The following C2CD3 variants were observed in gnomAD, a reference collection of about 807,000 sequenced individuals.
C2CD3 encodes the protein C2 domain-containing protein 3.
C2CD3 carries 148 observed loss-of-function variants against 234.0 expected under a neutral mutation model. The ratio of observed to expected loss-of-function variants is 0.63; its 90% CI spans 0.55 to 0.72. The LOEUF (loss-of-function observed/expected upper bound fraction) is 0.72. Among genes scored for constraint, C2CD3 ranks in the 30% least tolerant of loss-of-function variants. The pLI, the probability that C2CD3 is intolerant of heterozygous loss-of-function variation, is 0.00. For missense variants in C2CD3, 2,577 were observed against 2,811.5 expected (o/e 0.92, Z 1.89); for synonymous variants, 1,000 against 1,035.4 (o/e 0.97, Z 0.66).
In C2CD3 at chr11:74,063,907, A is replaced by G. The variant is rs1255598645; in HGVS notation, c.4952-6363T>C. 2.6e-5 allele frequency among the ~76,000 whole-genome samples: 4 copies of G among 152,070 alleles called. No individual in the cohort carries two copies. In the South Asian group the frequency reaches 6.2e-4, roughly 24 times the overall value. ...CCAAAATCTCTCTTTTTTAAATTTT[A>G]TTATTATTATACTTTAAGTTTTAGG... On this transcript the variant is annotated intron_variant, in intron 24 of 32. Coordinates refer to ENST00000334126, the MANE Select transcript of C2CD3 (RefSeq NM_001286577.2).
chr11:74,152,901 A>G (rs1855756188), intron 3 of C2CD3, among the ~76,000 whole-genome samples: 1 of 152,214 alleles, frequency 6.6e-6, no homozygotes, highest in Non-Finnish European at 1.5e-5. Context: ...GATAAAGGAC[A>G]AATATGAAAA....
rs553217836 is a variant in C2CD3, at chr11:74,125,040, C to T, written c.1218-1905G>A. On this transcript the variant is annotated intron_variant, in intron 7 of 32. Transcript: ENST00000334126. ...AATTTTAAATAAAAGAATACACATA[C>T]CTATTTTGAAAGTCAAATACGACTA... 2.6e-5 allele frequency among the ~76,000 whole-genome samples: 4 copies of T among 152,228 alleles called. No homozygotes were observed. The South Asian group carries it at 8.3e-4, about 32-fold the overall frequency.
chr11:74,152,497 T>C (rs187024537), intron 3 of C2CD3, among the ~76,000 whole-genome samples: 1 of 152,296 alleles, frequency 6.6e-6, no homozygotes, highest in African/African-American at 2.4e-5. Context: ...ACTCTTCCAA[T>C]AAACAGAGGA....
intron 3 of C2CD3, among the ~76,000 whole-genome samples, chr11:74,155,666 G>A (rs1192878885): frequency 6.6e-6 from 1 of 152,114 alleles, no homozygotes; most frequent in Non-Finnish European, 1.5e-5. Context: ...TATTCCATCT[G>A]TATAAAATGT....
chr11:74,150,492 C>CAAAAAAAAAA (rs769668218), intron 3 of C2CD3, among the ~76,000 whole-genome samples: 23 of 16,170 alleles, frequency 1.4e-3, no homozygotes, highest in East Asian at 2.7e-3. Context: ...GACCCTGTCT[C>CAAAAAAAAAA]AAAAAAAAAA....
At chr11:74,015,804 C>T (rs760433283) in intron 32 of C2CD3, among the ~76,000 whole-genome samples, 3 of 151,656 alleles carry the variant, frequency 2.0e-5, no homozygotes, top group African/African-American at 7.3e-5. Context: ...GGGTAGCTCA[C>T]GTCTGTAACC....
At chr11:74,076,838 G>T (rs1280898241) in intron 23 of C2CD3, among the ~76,000 whole-genome samples, 1 of 152,112 alleles carries the variant, frequency 6.6e-6, no homozygotes, top group African/African-American at 2.4e-5. Flanking sequence ...TCACTGAGAT[G>T]CTATCCTTAG....
At chr11:74,061,680 T>TA (rs1954257201) in intron 24 of C2CD3, among the ~76,000 whole-genome samples, 1 of 152,126 alleles carries the variant, frequency 6.6e-6, no homozygotes, top group Admixed American at 6.6e-5. Context: ...TGCCAAATTG[T>TA]AAAGGCCATC....
intron 18 of C2CD3, 32 bp from the exon 19 acceptor site, chr11:74,092,620 G>C (rs769243732): frequency 3.8e-6 from 6 of 1,572,154 alleles, no homozygotes; most frequent in South Asian, 2.3e-5. Context: ...GTTGTCAGAA[G>C]AATTAGGTGA....
chr11:74,022,123 C>CG (rs1337956479), intron 32 of C2CD3, among the ~76,000 whole-genome samples: 2 of 150,242 alleles, frequency 1.3e-5, no homozygotes, highest in Admixed American at 1.3e-4. Flanking sequence ...GATTCCGTCT[C>CG]GGGGAAAAAA....
At chr11:74,062,931 A>G (rs1352382338) in intron 24 of C2CD3, among the ~76,000 whole-genome samples, 1 of 152,224 alleles carries the variant, frequency 6.6e-6, no homozygotes, top group Admixed American at 6.5e-5. Flanking sequence ...GACACAATAA[A>G]AAATGATAAA....
Position 74,168,633 on chromosome 11 carries a change from A to G in C2CD3, c.56-20T>C. ...TTAAACCTGTAGAGGAATCCAAGAAAACTGAGTCAAAATTTAGACTAAATA... is the reference window on the plus strand; with the variant it reads ...TTAAACCTGTAGAGGAATCCAAGAAGACTGAGTCAAAATTTAGACTAAATA... On this transcript the variant is annotated intron_variant, in intron 1 of 32. Transcript: ENST00000334126. 6.3e-6 allele frequency: 10 copies of G among 1,597,138 alleles called. No homozygotes were observed. Among genetic ancestry groups the G allele is most frequent in the Non-Finnish European group, 8.5e-6 (10 of 1,171,060 alleles).
At chr11:74,106,571 G>A (rs1956528757) in intron 12 of C2CD3, 78 bp from the exon 13 acceptor site, 2 of 1,349,246 alleles carry the variant, frequency 1.5e-6, no homozygotes, top group Non-Finnish European at 2.1e-6. Flanking sequence ...GACAACATAT[G>A]ATGGCTTATA....
chr11:74,027,989 C>T (rs1326487771), intron 32 of C2CD3, among the ~76,000 whole-genome samples: 2 of 152,208 alleles, frequency 1.3e-5, no homozygotes, highest in Non-Finnish European at 2.9e-5. Flanking sequence ...GGGACTCCCA[C>T]AGCACTCAAT....
At chr11:74,085,554 G>A in intron 21 of C2CD3, 64 bp downstream of exon 21, 1 of 1,521,078 alleles carries the variant, frequency 6.6e-7, no homozygotes, top group Non-Finnish European at 9.1e-7. Flanking sequence ...CTCCTAGGAA[G>A]GGCTATACTA....
chr11:74,151,305 C>CTTTATTTA (rs202206182), intron 3 of C2CD3, among the ~76,000 whole-genome samples: 3,802 of 133,374 alleles, frequency 0.029, 145 homozygotes, highest in African/African-American at 0.087. Context: ...ATCCAACACT[C>CTTTATTTA]TTTATTTATT....
In C2CD3 at chr11:74,077,545, C is replaced by T. The variant is rs572795325; in HGVS notation, c.4603+570G>A. On this transcript the variant is annotated intron_variant, in intron 23 of 32. Transcript: ENST00000334126. Reference sequence around the variant, plus strand: ...CAAACAAGAACAGAAAACCAAACACCGCATGTTCTCACTCATAAGTGGGAG... The same window carrying T: ...CAAACAAGAACAGAAAACCAAACACTGCATGTTCTCACTCATAAGTGGGAG... Among the ~76,000 whole-genome samples, 233 of 151,374 alleles carry T rather than the reference C, an allele frequency of 1.5e-3. 1 individual carries two copies. Among genetic ancestry groups the T allele is most frequent in the Non-Finnish European group, 2.2e-3 (150 of 67,836 alleles).
At chr11:74,077,498 G>C (rs1014145429) in intron 23 of C2CD3, among the ~76,000 whole-genome samples, 2 of 151,744 alleles carry the variant, frequency 1.3e-5, no homozygotes. Context: ...CATGGATGAA[G>C]CCTGGAAACC....
chr11:74,019,683 AT>A lies in C2CD3; in HGVS notation c.6922-6159del, dbSNP rs879892933. Reference sequence around the variant, plus strand: ...TTGTGGAAAGGAAACCAAAGGATAGATTTTTTTTTTTCAGACACAGTTTCAC... The same window carrying A: ...TTGTGGAAAGGAAACCAAAGGATAGATTTTTTTTTTCAGACACAGTTTCAC... On this transcript the variant is annotated intron_variant, in intron 32 of 32. Transcript: ENST00000334126. Among the ~76,000 whole-genome samples, 257 of 148,816 alleles carry A rather than the reference AT, an allele frequency of 1.7e-3. 1 individual carries two copies. Among genetic ancestry groups the A allele is most frequent in the African/African-American group, 5.5e-3 (226 of 40,774 alleles).
Sources: gnomAD v4.1 joint callset for allele counts (sites outside exome capture counted in the v4.1 genomes callset) on GRCh38, gnomAD v4.1.1 for gene constraint, MANE v1.5 for transcripts, NCBI Gene and HGNC (gene_info 2026-07-23, HGNC 2026-07-21) for gene names.